The following GLIS3 variants were observed in gnomAD, a reference collection of about 807,000 sequenced individuals.
GLIS3 encodes the protein GLIS family zinc finger 3, also known as zinc finger protein GLIS3.
A neutral mutation model predicts 78.6 loss-of-function variants in GLIS3; 53 were observed. The ratio of observed to expected loss-of-function variants is 0.67; its 90% confidence interval spans 0.54 to 0.85. GLIS3 has a LOEUF of 0.85. GLIS3 is among the 40% of genes least tolerant of loss of function. The pLI is 0.00. For missense variants in GLIS3, 1,703 were observed against 1,231.1 expected (o/e 1.38, Z -5.74); for synonymous variants, 684 against 509.9 (o/e 1.34, Z -4.60).
rs985989645 is a variant in GLIS3 at position 4,180,692 on chromosome 9, A to C, written c.389-54751T>G. On this transcript the variant is annotated intron_variant, in intron 2 of 10. Coordinates refer to ENST00000381971, the MANE Select transcript of GLIS3 (RefSeq NM_001042413.2). ...AATCCTTCTATCTTATATGCAAGCCAAACCCCCAATTCTTGTGCATTGATT... is the reference window on the plus strand; with the variant it reads ...AATCCTTCTATCTTATATGCAAGCCCAACCCCCAATTCTTGTGCATTGATT... Among the ~76,000 whole-genome samples, 5 of 152,244 alleles carry C rather than the reference A, an allele frequency of 3.3e-5. No individual in the cohort carries two copies. In the East Asian group the frequency reaches 9.6e-4, roughly 29 times the overall value.
the GLIS3 span, among the ~76,000 whole-genome samples, chr9:4,421,172 G>C: frequency 6.6e-6 from 1 of 152,174 alleles, no homozygotes; most frequent in Admixed American, 6.5e-5. Context: ...GGTCTTTCCA[G>C]TTGATATTCA....
intron 4 of GLIS3, among the ~76,000 whole-genome samples, chr9:3,945,024 C>T (rs1816196960): frequency 6.6e-6 from 1 of 152,206 alleles, no homozygotes; most frequent in Admixed American, 6.5e-5. Flanking sequence ...TCGCTCACTC[C>T]TGTGACAATT....
intron 1 of GLIS3, among the ~76,000 whole-genome samples, chr9:4,289,084 T>A (rs1361004752): frequency 6.6e-6 from 1 of 152,196 alleles, no homozygotes; most frequent in Non-Finnish European, 1.5e-5. Flanking sequence ...AATGCTATTA[T>A]AACTTTTAAG....
At chr9:4,180,398 G>A (rs952992146) in intron 2 of GLIS3, among the ~76,000 whole-genome samples, 1 of 152,128 alleles carries the variant, frequency 6.6e-6, no homozygotes, top group Non-Finnish European at 1.5e-5. Flanking sequence ...AGCTCAATGG[G>A]CAGGCTTGGG....
At chr9:4,153,673 T>C (rs746193492) in intron 2 of GLIS3, among the ~76,000 whole-genome samples, 3 of 152,208 alleles carry the variant, frequency 2.0e-5, no homozygotes, top group Non-Finnish European at 4.4e-5. Flanking sequence ...GTTTGCATAT[T>C]ATTGCTTTAC....
chr9:3,879,063 A>T (rs10758518), intron 8 of GLIS3, among the ~76,000 whole-genome samples: 141,550 of 152,166 alleles, frequency 0.93, 65,992 homozygotes, highest in East Asian at 1. Flanking sequence ...ATACTGATTT[A>T]TGTGGCGAGG....
At chr9:4,306,213 G>A (rs1158791611) in intron 4 of GLIS3, among the ~76,000 whole-genome samples, 1 of 152,082 alleles carries the variant, frequency 6.6e-6, no homozygotes. Context: ...CTAAGGAGCT[G>A]GGACTACAGG....
intron 2 of GLIS3, among the ~76,000 whole-genome samples, chr9:4,146,826 A>C (rs1564116397): frequency 6.6e-6 from 1 of 152,256 alleles, no homozygotes; most frequent in Admixed American, 6.5e-5. Flanking sequence ...AAGAGGAAGG[A>C]TGCTACAAGA....
At chr9:4,292,655 T>C (rs747177131) in intron 1 of GLIS3, among the ~76,000 whole-genome samples, 2 of 152,230 alleles carry the variant, frequency 1.3e-5, no homozygotes, top group African/African-American at 4.8e-5. Context: ...TAAGTATCAA[T>C]TGATCAATTG....
chr9:4,153,706 C>A (rs1834850311), intron 2 of GLIS3, among the ~76,000 whole-genome samples: 1 of 152,098 alleles, frequency 6.6e-6, no homozygotes, highest in Admixed American at 6.5e-5. Context: ...GAAAAGAGAT[C>A]AATAAATGGT....
intron 1 of GLIS3, among the ~76,000 whole-genome samples, chr9:4,297,012 A>T (rs1443988764): frequency 6.6e-6 from 1 of 152,002 alleles, no homozygotes; most frequent in Non-Finnish European, 1.5e-5. Context: ...TTTTCTGCAA[A>T]CCTTTACAGG....
rs1436280157 is a variant in GLIS3 at position 3,867,746 on chromosome 9, TGTGTGTGTGA to T, written c.2298-11572_2298-11563del. Among the ~76,000 whole-genome samples, 425 of 142,120 alleles carry T rather than the reference TGTGTGTGTGA, an allele frequency of 3.0e-3. 3 individuals carry two copies. The highest frequency in any genetic ancestry group is 8.6e-3 in the African/African-American group (331 of 38,508). 93.2% of individuals were successfully genotyped at this position (142,120 alleles called of 152,430 possible). On this transcript the variant is annotated intron_variant, in intron 8 of 10. Coordinates refer to ENST00000381971, the MANE Select transcript of GLIS3 (RefSeq NM_001042413.2). ...GTGTGTGTGCGTGCGTGTGTGTGTG[TGTGTGTGTGA>T]GTGCATGTGTGTATGCGTGTGCATG...
chr9:4,369,697 T>C, the GLIS3 span, among the ~76,000 whole-genome samples: 3 of 152,090 alleles, frequency 2.0e-5, no homozygotes, highest in Non-Finnish European at 2.9e-5. Flanking sequence ...TGGTCAAATG[T>C]GATTATTGGA....
intron 4 of GLIS3, among the ~76,000 whole-genome samples, chr9:3,939,299 G>T (rs1199122141): frequency 6.6e-6 from 1 of 152,202 alleles, no homozygotes; most frequent in Non-Finnish European, 1.5e-5. Context: ...AACATCCCTA[G>T]TTCTACCATA....
the GLIS3 span, among the ~76,000 whole-genome samples, chr9:4,403,969 C>G: frequency 1.3e-5 from 2 of 152,050 alleles, no homozygotes; most frequent in Admixed American, 6.5e-5. Context: ...TGATCTGTTG[C>G]CTACAAGAAA....
chr9:4,209,409 T>C (rs756905823), intron 2 of GLIS3, among the ~76,000 whole-genome samples: 1 of 152,184 alleles, frequency 6.6e-6, no homozygotes, highest in Non-Finnish European at 1.5e-5. Context: ...CTAAACGTCT[T>C]GGAATCTGTA....
intron 4 of GLIS3, among the ~76,000 whole-genome samples, chr9:3,944,087 T>G (rs1300870111): frequency 1.3e-5 from 2 of 152,178 alleles, no homozygotes; most frequent in Admixed American, 6.5e-5. Flanking sequence ...TAAAGGAATA[T>G]GTTGCTTTTT....
At chr9:4,087,743 T>C (rs778125601) in intron 4 of GLIS3, among the ~76,000 whole-genome samples, 5 of 152,210 alleles carry the variant, frequency 3.3e-5, no homozygotes, top group African/African-American at 7.2e-5. Context: ...ATTTTTAGTA[T>C]TCATATTCCT....
At chr9:3,911,303 T>TC (rs1824133868) in intron 6 of GLIS3, among the ~76,000 whole-genome samples, 1 of 152,224 alleles carries the variant, frequency 6.6e-6, no homozygotes, top group African/African-American at 2.4e-5. Context: ...TAGATCTTTT[T>TC]CCATATGTTA....
Sources: allele counts gnomAD v4.1 joint callset (sites outside exome capture counted in the v4.1 genomes callset), GRCh38; gene constraint gnomAD v4.1.1; transcripts MANE v1.5; gene names NCBI Gene and HGNC (gene_info 2026-07-23, HGNC 2026-07-21).